Variants in PPIL2 observed in about 807,000 individuals in gnomAD.
PPIL2 encodes the protein RING-type E3 ubiquitin-protein ligase PPIL2.
PPIL2 carries 50 observed loss-of-function variants against 75.2 expected under a neutral mutation model. That is an observed-to-expected ratio of 0.66 (90% CI 0.53 to 0.84). The LOEUF is 0.84. Among genes scored for constraint, PPIL2 ranks in the 40% least tolerant of loss-of-function variants. PPIL2 has a pLI of 0.00. For missense variants in PPIL2, 590 were observed against 685.0 expected (o/e 0.86, Z 1.55); for synonymous variants, 245 against 258.8 (o/e 0.95, Z 0.51).
In PPIL2 at chr22:21,697,619, G is replaced by A. The variant is rs534967481; in HGVS notation, c.*2129G>A. ...GCTGGCGGTGTGGCCAGAGGACAGG[G>A]GAAGCTGAAGGCCCCGTGCTTGAGC... On this transcript the variant is annotated 3_prime_UTR_variant, in exon 20 of 20. Transcript: ENST00000398831. The A allele has an allele frequency of 1.3e-5, 2 of 153,530 alleles. No homozygotes were observed. The highest frequency in any genetic ancestry group is 3.8e-4 in the East Asian group (2 of 5,326). 9.5% of individuals were successfully genotyped at this position (153,530 alleles called of 1,614,324 possible).
chr22:21,686,738 T>C lies in PPIL2; in HGVS notation c.791-154T>C, dbSNP rs570593459. ...GCCCCATGAGGCTGGGGTGAGCCTG[T>C]GCGTGGCCTAAGCAGACCCTCGGCC... is the stretch of plus-strand genomic sequence containing the variant. On this transcript the variant is annotated intron_variant, in intron 11 of 19. Coordinates refer to ENST00000398831, the MANE Select transcript of PPIL2 (RefSeq NM_014337.4). Among the ~76,000 whole-genome samples, 84 of 152,288 alleles carry C rather than the reference T, an allele frequency of 5.5e-4. 1 individual carries two copies. Among genetic ancestry groups the C allele is most frequent in the Middle Eastern group, 6.8e-3 (2 of 294 alleles).
chr22:21,692,585 A>C (rs988464973), intron 15 of PPIL2, among the ~76,000 whole-genome samples: 4 of 151,880 alleles, frequency 2.6e-5, no homozygotes, highest in African/African-American at 9.7e-5. Context: ...TGGTTTGGAA[A>C]TTAGATGTTT....
intron 1 of PPIL2, among the ~76,000 whole-genome samples, chr22:21,668,063 C>T (rs921100811): frequency 7.3e-5 from 11 of 151,722 alleles, no homozygotes; most frequent in African/African-American, 1.2e-4. Context: ...AGGCGTGAGC[C>T]ACCGTGCCGG....
At chr22:21,688,669 G>A in intron 14 of PPIL2, 63 bp from the exon 15 acceptor site, 1 of 1,520,942 alleles carries the variant, frequency 6.6e-7, no homozygotes, top group Non-Finnish European at 9.1e-7. Context: ...GGACTCTGAG[G>A]TTTCTAGTTC....
Position 21,697,200 on chromosome 22 carries a change from CAG to C in PPIL2, c.*1711_*1712del. On this transcript the variant is annotated 3_prime_UTR_variant, in exon 20 of 20. Transcript: ENST00000398831. Reference sequence around the variant, plus strand: ...TGCAGAGGAGGGGCACAGTAGGACACAGTGACTGCCCAGGTGTCCACACACCT... The same window carrying C: ...TGCAGAGGAGGGGCACAGTAGGACACTGACTGCCCAGGTGTCCACACACCT... The C allele has an allele frequency of 1.7e-6, 1 of 586,110 alleles. No individual in the cohort carries two copies. Among genetic ancestry groups the C allele is most frequent in the Non-Finnish European group, 3.0e-6 (1 of 330,750 alleles). The allele number at this position is 586,110 out of a possible 1,614,324, so 36.3% of individuals were successfully genotyped here.
In PPIL2 at chr22:21,691,751, A is replaced by G. The variant is rs185133234; in HGVS notation, c.1140-2065A>G. 2.4e-3 allele frequency among the ~76,000 whole-genome samples: 367 copies of G among 151,884 alleles called. 2 individuals carry two copies. Among genetic ancestry groups the G allele is most frequent in the African/African-American group, 8.4e-3 (346 of 41,396 alleles). On this transcript the variant is annotated intron_variant, in intron 15 of 19. Transcript: ENST00000398831. Reference sequence around the variant, plus strand: ...AGGATGGTTCTTTTACTTTCCTCTTATCTGAGTTTAATTCTGCTTCTAGTT... The same window carrying G: ...AGGATGGTTCTTTTACTTTCCTCTTGTCTGAGTTTAATTCTGCTTCTAGTT...
At chr22:21,669,761 A>G (rs912003803) in intron 1 of PPIL2, 152 bp from the exon 2 acceptor site, 6 of 752,484 alleles carry the variant, frequency 8.0e-6, no homozygotes, top group Admixed American at 2.1e-5. Context: ...CGGGCTCCCA[A>G]AGTGTTGGGA....
Position 21,693,843 on chromosome 22 carries a change from C to A in PPIL2, c.1167C>A (p.Tyr389Ter). The A allele has an allele frequency of 6.5e-7, 1 of 1,548,522 alleles. No individual in the cohort carries two copies. The highest frequency in any genetic ancestry group is 8.9e-7 in the Non-Finnish European group (1 of 1,120,340). ...TCATCACGTTTCGCTCCTGTGCCTA[C>A]CTGGACAAGAAGCATACCATCTTTG... is the stretch of plus-strand genomic sequence containing the variant. ...QFFITFRSCA[Y>*]LDKKHTIFGR... The change falls in exon 16 of 20, where the codon TAC becomes TAA. Residue 389 changes from tyrosine (Y) to a stop codon, truncating the protein, a stop_gained. Coordinates refer to ENST00000398831, the MANE Select transcript of PPIL2 (RefSeq NM_014337.4). LOFTEE classifies it high-confidence loss of function.
chr22:21,672,925 C>T (rs959984295), intron 5 of PPIL2, among the ~76,000 whole-genome samples: 24 of 152,344 alleles, frequency 1.6e-4, no homozygotes, highest in East Asian at 1.5e-3. Flanking sequence ...ATGACCCTCC[C>T]TACCGGGCCA....
intron 12 of PPIL2, 78 bp downstream of exon 12, chr22:21,687,076 G>C: frequency 4.6e-6 from 6 of 1,316,768 alleles, no homozygotes; most frequent in African/African-American, 1.4e-5. Flanking sequence ...TAAATATAGG[G>C]CTGCCACTGG....
chr22:21,670,448 C>T, intron 2 of PPIL2, 118 bp from the exon 3 acceptor site: 3 of 1,480,898 alleles, frequency 2.0e-6, no homozygotes, highest in Non-Finnish European at 2.8e-6. Context: ...ACAGCAATTG[C>T]TGTACTTAAA....
chr22:21,674,836 C>T (rs953794724), intron 5 of PPIL2, among the ~76,000 whole-genome samples: 2 of 152,220 alleles, frequency 1.3e-5, no homozygotes, highest in South Asian at 2.1e-4. Context: ...CGGGGTCACC[C>T]GTGACGGCTC....
intron 15 of PPIL2, among the ~76,000 whole-genome samples, chr22:21,692,922 T>C (rs1306619058): frequency 5.0e-5 from 7 of 141,196 alleles, no homozygotes; most frequent in Admixed American, 4.9e-4. Flanking sequence ...CAAGATTCCA[T>C]CTCAAAAAAA....
In PPIL2 at chr22:21,696,698, T is replaced by G. The variant is rs1429681146; in HGVS notation, c.*1208T>G. On this transcript the variant is annotated 3_prime_UTR_variant, in exon 20 of 20. Coordinates refer to ENST00000398831, the MANE Select transcript of PPIL2 (RefSeq NM_014337.4). ...TTCACACTAAGCCCTAACTTAGGCC[T>G]TGTTCTTGGTTTTCTCATTTTTGTT... 1 of 1,535,204 alleles carries G rather than the reference T, an allele frequency of 6.5e-7. No individual in the cohort carries two copies. The highest frequency in any genetic ancestry group is 1.4e-5 in the African/African-American group (1 of 73,152).
At chr22:21,694,898 G>A (rs764952277) in intron 18 of PPIL2, 39 bp from the exon 19 acceptor site, 111 of 1,606,452 alleles carry the variant, frequency 6.9e-5, no homozygotes, top group Middle Eastern at 1.7e-4. Flanking sequence ...TGTCCTGCCC[G>A]AGGTGCTGCC....
chr22:21,680,083 T>C (rs2067046068), intron 6 of PPIL2, among the ~76,000 whole-genome samples: 1 of 141,840 alleles, frequency 7.1e-6, no homozygotes. Context: ...ACGGCAAGAC[T>C]CTGTCTCAAA....
chr22:21,682,672 G>T lies in PPIL2; in HGVS notation c.477+146G>T. ...ATCTGAATAGCCACTCTGCAGGCCT[G>T]GCTCTGCTTCAGCGCCTCGAGGGCA... On this transcript the variant is annotated intron_variant, in intron 8 of 19. Coordinates refer to ENST00000398831, the MANE Select transcript of PPIL2 (RefSeq NM_014337.4). 3 of 576,130 alleles carry T rather than the reference G, an allele frequency of 5.2e-6. No homozygotes were observed. In the South Asian group the frequency reaches 7.5e-5, roughly 14 times the overall value. 35.7% of individuals were successfully genotyped at this position (576,130 alleles called of 1,614,324 possible).
At chr22:21,674,961 G>C (rs1255050319) in intron 5 of PPIL2, 103 bp from the exon 6 acceptor site, 2 of 1,037,806 alleles carry the variant, frequency 1.9e-6, no homozygotes, top group African/African-American at 1.6e-5. Flanking sequence ...AGCTGCACAG[G>C]GTTGGCCTAG....
chr22:21,696,688 A>G lies in PPIL2; in HGVS notation c.*1198A>G. 16 of 1,534,074 alleles carry G rather than the reference A, an allele frequency of 1.0e-5. No homozygotes were observed. The South Asian group carries it at 1.9e-4, about 18-fold the overall frequency. ...CTTCTAGTTCTTCACACTAAGCCCT[A>G]ACTTAGGCCTTGTTCTTGGTTTTCT... On this transcript the variant is annotated 3_prime_UTR_variant, in exon 20 of 20. Coordinates refer to ENST00000398831, the MANE Select transcript of PPIL2 (RefSeq NM_014337.4).
Sources: allele counts gnomAD v4.1 joint callset (sites outside exome capture counted in the v4.1 genomes callset), GRCh38; gene constraint gnomAD v4.1.1; transcripts MANE v1.5; gene names NCBI Gene and HGNC (gene_info 2026-07-23, HGNC 2026-07-21).